PIK3CB: variants seen among roughly 807,000 people sequenced by gnomAD.
PIK3CB encodes phosphatidylinositol-4,5-bisphosphate 3-kinase catalytic subunit beta.
Under a neutral mutation model 136.8 loss-of-function variants are expected in PIK3CB, and 39 were observed. The observed-to-expected ratio is 0.29, with a 90% CI of 0.22 to 0.37. The LOEUF is 0.37. PIK3CB is among the 10% of genes least tolerant of loss of function. PIK3CB has a pLI of 1.00. For missense variants in PIK3CB, 868 were observed against 1,275.4 expected (o/e 0.68, Z 4.87); for synonymous variants, 428 against 436.6 (o/e 0.98, Z 0.25).
At chr3:138,809,798 A>G (rs568026648) in intron 1 of PIK3CB, among the ~76,000 whole-genome samples, 173 of 152,236 alleles carry the variant, frequency 1.1e-3, no homozygotes, top group Non-Finnish European at 2.3e-3. Flanking sequence ...TAGTATTCAC[A>G]TATATTTCCT....
At chr3:138,665,239 C>A (rs2108423313) in intron 19 of PIK3CB, 36 bp from the exon 20 acceptor site, 1 of 1,451,648 alleles carries the variant, frequency 6.9e-7, no homozygotes, top group Non-Finnish European at 9.2e-7. Context: ...GTCATATTTT[C>A]CTTAAAATGA....
chr3:138,746,076 A>G (rs1430260582), intron 4 of PIK3CB, among the ~76,000 whole-genome samples: 1 of 151,714 alleles, frequency 6.6e-6, no homozygotes, highest in Admixed American at 6.6e-5. Context: ...GTGAGACCTC[A>G]TCTCTATAAA....
intron 2 of PIK3CB, among the ~76,000 whole-genome samples, chr3:138,784,337 A>T (rs911714149): frequency 6.6e-5 from 10 of 152,278 alleles, no homozygotes; most frequent in African/African-American, 1.7e-4. Flanking sequence ...AGCTAAGATC[A>T]CGCCACTGCA....
intron 8 of PIK3CB, among the ~76,000 whole-genome samples, chr3:138,727,717 A>G (rs1241741947): frequency 1.3e-5 from 2 of 152,244 alleles, no homozygotes; most frequent in South Asian, 2.1e-4. Flanking sequence ...ATAAGGGACT[A>G]CTATGAACTT....
intron 2 of PIK3CB, among the ~76,000 whole-genome samples, chr3:138,769,612 CA>C (rs1217947914): frequency 1.3e-5 from 2 of 152,124 alleles, no homozygotes; most frequent in African/African-American, 4.8e-5. Flanking sequence ...TGGTGTTCTG[CA>C]ATTAAAATAT....
chr3:138,759,307 C>G lies in PIK3CB; in HGVS notation c.37G>C (p.Asp13His). ...FSFIMPPAMADILDIWAVDSQ... is the reference protein window; with the variant it reads ...FSFIMPPAMAHILDIWAVDSQ... ...TCCACCGCCCAGATGTCAAGGATGT[C>G]TGCCATAGCAGGAGGCATTATGAAA... Residue 13 changes from aspartate to histidine, a missense_variant, in exon 3 of 24, where the codon GAC becomes CAC. Asp to His is a moderately conservative substitution (Grantham distance 81). Transcript: ENST00000674063. The G allele has an allele frequency of 6.2e-7, 1 of 1,610,842 alleles. No individual in the cohort carries two copies. The highest frequency in any genetic ancestry group is 8.5e-7 in the Non-Finnish European group (1 of 1,177,496).
At chr3:138,768,157 TG>T (rs2045757996) in intron 2 of PIK3CB, among the ~76,000 whole-genome samples, 1 of 152,074 alleles carries the variant, frequency 6.6e-6, no homozygotes, top group South Asian at 2.1e-4. Context: ...GGCCCTGAAA[TG>T]GGTAGCTCTT....
At chr3:138,775,923 C>T (rs2045852621) in intron 2 of PIK3CB, among the ~76,000 whole-genome samples, 1 of 152,298 alleles carries the variant, frequency 6.6e-6, no homozygotes, top group Middle Eastern at 3.4e-3. Context: ...ATTGGCCAGC[C>T]GCGGTGGCTC....
Position 138,714,531 on chromosome 3 carries a change from C to A in PIK3CB, c.1239G>T (p.Thr413=). ...AVYAVLDKVK[T]KKSTKTINPS... is the part of the protein sequence containing the mutation. ...GATTAATAGTTTTCGTTGATTTCTT[C>A]GTTTTTACTTTATCCAAAACTGCAT... Residue 413 remains threonine (T), a synonymous_variant, in exon 9 of 24, where the codon ACG becomes ACT. Coordinates refer to ENST00000674063, the MANE Select transcript of PIK3CB (RefSeq NM_006219.3). The A allele has an allele frequency of 1.9e-6, 3 of 1,612,132 alleles. No homozygotes were observed. Among genetic ancestry groups the A allele is most frequent in the Non-Finnish European group, 2.5e-6 (3 of 1,178,336 alleles).
chr3:138,699,450 A>T (rs2108532949), intron 12 of PIK3CB, among the ~76,000 whole-genome samples: 1 of 152,100 alleles, frequency 6.6e-6, no homozygotes, highest in East Asian at 1.9e-4. Flanking sequence ...CAGGAGTTTG[A>T]GACTAGCCTG....
rs2108644343 is a variant in PIK3CB, at chr3:138,734,666, G to C, written c.940C>G (p.Pro314Ala). ...INRNSSNLPLPLPPKKTRIIS... is the reference protein window; with the variant it reads ...INRNSSNLPLALPPKKTRIIS... ...ATTCGTGTTTTCTTTGGTGGTAATG[G>C]AAGAGGAAGATTAGATGAATTTCGA... Residue 314 changes from proline (P) to alanine (A), a missense_variant, in exon 7 of 24, where the codon CCA (proline) becomes GCA (alanine). Around this residue, in one of 4 missense-constraint regions of PIK3CB, gnomAD observed 612 missense variants for 801.1 expected, o/e 0.76. Coordinates refer to ENST00000674063, the MANE Select transcript of PIK3CB (RefSeq NM_006219.3). The C allele has an allele frequency of 6.2e-7, 1 of 1,612,826 alleles. No individual in the cohort carries two copies. Among genetic ancestry groups the C allele is most frequent in the Non-Finnish European group, 8.5e-7 (1 of 1,179,138 alleles).
At position 138,827,503 on chromosome 3, in the gene PIK3CB, A is replaced by AT. The variant is rs879817531; in HGVS notation, c.-122+7191dup. 5.4e-3 allele frequency among the ~76,000 whole-genome samples: 792 copies of AT among 146,604 alleles called. 4 individuals are homozygous for AT. The highest frequency in any genetic ancestry group is 7.5e-3 in the Non-Finnish European group (494 of 66,284). ...AGAGCCTGTGTCTTCTACCTAAGAA[A>AT]TTTTTTTTTTTTTTAGTTAGCCAGG... On this transcript the variant is annotated intron_variant, in intron 1 of 23. Coordinates refer to ENST00000674063, the MANE Select transcript of PIK3CB (RefSeq NM_006219.3).
intron 19 of PIK3CB, among the ~76,000 whole-genome samples, chr3:138,679,936 T>TAAAAAAAAAAAAAAAAAAGA (rs2043731993): frequency 9.0e-6 from 1 of 110,838 alleles, no homozygotes. Flanking sequence ...AACACAAAAG[T>TAAAAAAAAAAAAAAAAAAGA]AAAAAAAAAA....
intron 19 of PIK3CB, among the ~76,000 whole-genome samples, chr3:138,677,900 CA>C (rs1285074922): frequency 6.6e-6 from 1 of 151,200 alleles, no homozygotes; most frequent in Admixed American, 6.6e-5. Context: ...CCGTTTCAAA[CA>C]AAAAAAACTT....
intron 10 of PIK3CB, among the ~76,000 whole-genome samples, chr3:138,710,242 G>C (rs1273987524): frequency 6.6e-6 from 1 of 151,904 alleles, no homozygotes; most frequent in Non-Finnish European, 1.5e-5. Context: ...CTACATTTGG[G>C]GAATAACATA....
In PIK3CB at chr3:138,805,563, T is replaced by C. The variant is rs531034035; in HGVS notation, c.-121-8996A>G. 6.0e-5 allele frequency among the ~76,000 whole-genome samples: 9 copies of C among 150,274 alleles called. No homozygotes were observed. In the East Asian group the frequency reaches 1.4e-3, roughly 24 times the overall value. ...GGCACGCGCCTGTAGTCCCAGCTAC[T>C]CAGGAGGATGAGGCAGGAGAATGGC... On this transcript the variant is annotated intron_variant, in intron 1 of 23. Coordinates refer to ENST00000674063, the MANE Select transcript of PIK3CB (RefSeq NM_006219.3).
Position 138,717,768 on chromosome 3 carries a change from A to G in PIK3CB, c.1051-3049T>C, listed in dbSNP as rs540148329. On this transcript the variant is annotated intron_variant, in intron 8 of 23. Transcript: ENST00000674063. ...TAAGTTCTTATCATTTAGCTTCCTT[A>G]TAAGTGAGAACATGCGGCATTTGGT... 6.6e-5 allele frequency among the ~76,000 whole-genome samples: 10 copies of G among 152,254 alleles called. No homozygotes were observed. In the East Asian group the frequency reaches 9.7e-4, roughly 15 times the overall value.
intron 13 of PIK3CB, among the ~76,000 whole-genome samples, chr3:138,695,795 G>A (rs2108520309): frequency 6.6e-6 from 1 of 152,068 alleles, no homozygotes; most frequent in South Asian, 2.1e-4. Context: ...TGCCCAGGAT[G>A]GAGTACAATA....
chr3:138,816,410 A>G (rs993825273), intron 1 of PIK3CB, among the ~76,000 whole-genome samples: 1 of 152,048 alleles, frequency 6.6e-6, no homozygotes, highest in African/African-American at 2.4e-5. Flanking sequence ...CCTGGCCAAC[A>G]TGGTGAAACC....
Sources: gnomAD v4.1 joint callset for allele counts (sites outside exome capture counted in the v4.1 genomes callset) on GRCh38, gnomAD v4.1.1 for gene constraint, gnomAD v4.1.1 regional missense constraint, MANE v1.5 for transcripts, NCBI Gene and HGNC (gene_info 2026-07-23, HGNC 2026-07-21) for gene names.